The following NAV1 variants were observed in gnomAD, a reference collection of about 807,000 sequenced individuals.
NAV1 encodes neuron navigator 1, also known as pore membrane and/or filament interacting like protein 3.
Under a neutral mutation model 175.2 loss-of-function variants are expected in NAV1, and 18 were observed. That is an observed-to-expected ratio of 0.10 (90% CI 0.07 to 0.15). The LOEUF (loss-of-function observed/expected upper bound fraction) is 0.15, where lower values mean the gene tolerates loss of function less well. NAV1 is among the 10% of genes least tolerant of loss of function. The pLI is 1.00. For missense variants in NAV1, 1,731 were observed against 2,436.6 expected, an observed-to-expected ratio of 0.71 and a Z score of 6.10; for synonymous variants, 897 against 978.7, an observed-to-expected ratio of 0.92 and a Z score of 1.56.
At chr1:201,781,573 G>A (rs1242322474) in intron 5 of NAV1, among the ~76,000 whole-genome samples, 1 of 152,180 alleles carries the variant, frequency 6.6e-6, no homozygotes, top group Non-Finnish European at 1.5e-5. Flanking sequence ...ACAGGAGGAA[G>A]TATATTATGT....
chr1:201,780,704 C>A, intron 4 of NAV1, 145 bp downstream of exon 8: 1 of 1,113,800 alleles, frequency 9.0e-7, no homozygotes, highest in Non-Finnish European at 1.3e-6. Context: ...TTAGAGTTGC[C>A]CCCACCCCCT....
At chr1:201,728,183 G>A (rs527756466) in intron 3 of NAV1, among the ~76,000 whole-genome samples, 56 of 152,136 alleles carry the variant, frequency 3.7e-4, no homozygotes, top group Admixed American at 1.7e-3. Flanking sequence ...GTTCAGTGGT[G>A]TAATCAGGGC....
intron 2 of NAV1, among the ~76,000 whole-genome samples, chr1:201,598,377 C>A (rs536366503): frequency 6.6e-6 from 1 of 152,284 alleles, no homozygotes; most frequent in South Asian, 2.1e-4. Flanking sequence ...CTTAGAGGAC[C>A]CCCAAGAAAC....
rs1170740904 is a variant in NAV1, at chr1:201,694,491, C to T, written c.758-18326C>T. 1.3e-5 allele frequency among the ~76,000 whole-genome samples: 2 copies of T among 152,118 alleles called. No homozygotes were observed. Among genetic ancestry groups the T allele is most frequent in the African/African-American group, 2.4e-5 (1 of 41,420 alleles). Reference sequence around the variant, plus strand: ...TCACCAGCTGCTGGGGCTTCTTGCCCTGAGTTAGGCTGGGGATCATTTGCA... The same window carrying T: ...TCACCAGCTGCTGGGGCTTCTTGCCTTGAGTTAGGCTGGGGATCATTTGCA... On this transcript the variant is annotated intron_variant, in intron 1 of 29. Coordinates refer to ENST00000367296, the Ensembl canonical transcript of NAV1. This position sits in a 1 kb window ranked among gnomAD's most constrained non-coding sequence, Gnocchi z 4.2.
intron 2 of NAV1, among the ~76,000 whole-genome samples, chr1:201,640,467 C>A (rs1354546398): frequency 6.6e-6 from 1 of 152,208 alleles, no homozygotes; most frequent in East Asian, 1.9e-4. Context: ...GCTGGGATTA[C>A]TGCCTGGGCT....
intron 15 of NAV1, among the ~76,000 whole-genome samples, chr1:201,800,591 A>T (rs1677791075): frequency 6.6e-6 from 1 of 152,166 alleles, no homozygotes; most frequent in South Asian, 2.1e-4. Context: ...CTTTACAGTA[A>T]ATGTTTTCCT....
chr1:201,586,724 C>A (rs760483502), intron 1 of NAV1, among the ~76,000 whole-genome samples: 18 of 152,038 alleles, frequency 1.2e-4, no homozygotes, highest in Non-Finnish European at 1.5e-5. Flanking sequence ...ATCTTTTTCT[C>A]TTTTCACCCT....
In NAV1 at chr1:201,787,559, A is replaced by G. The variant is rs1021428740; in HGVS notation, c.2996-909A>G. ...TTGAAGACCAAATAAGAAGAATTGCATTTATGCTGCAGAATGAGGGGCTGG... is the reference window on the plus strand; with the variant it reads ...TTGAAGACCAAATAAGAAGAATTGCGTTTATGCTGCAGAATGAGGGGCTGG... On this transcript the variant is annotated intron_variant, in intron 9 of 29. Transcript: ENST00000367296. This position sits in a 1 kb window ranked among gnomAD's most constrained non-coding sequence, Gnocchi z 4.3. 8 of 429,146 alleles carry G rather than the reference A, an allele frequency of 1.9e-5. No homozygotes were observed. Among genetic ancestry groups the G allele is most frequent in the African/African-American group, 6.1e-5 (3 of 49,216 alleles). The allele number at this position is 429,146 out of a possible 1,614,324, so 26.6% of individuals were successfully genotyped here.
At chr1:201,770,428 C>A (rs115286682) in intron 3 of NAV1, among the ~76,000 whole-genome samples, 1 of 152,160 alleles carries the variant, frequency 6.6e-6, no homozygotes, top group Non-Finnish European at 1.5e-5. Context: ...TTTATTTATT[C>A]TAAGAGCACT....
chr1:201,562,188 T>G lies in NAV1; in HGVS notation c.-144+22846T>G, dbSNP rs542159468. Among the ~76,000 whole-genome samples, 388 of 150,492 alleles carry G rather than the reference T, an allele frequency of 2.6e-3. 2 individuals carry two copies. Among genetic ancestry groups the G allele is most frequent in the African/African-American group, 9.0e-3 (368 of 40,744 alleles). On this transcript the variant is annotated intron_variant, in intron 1 of 33. Transcript: ENST00000685211. ...CCTGGCTAATTTTTTTTTTTTTTTTTGTAGAGACAGCTGGGTTGGGAAGTC... is the reference window on the plus strand; with the variant it reads ...CCTGGCTAATTTTTTTTTTTTTTTTGGTAGAGACAGCTGGGTTGGGAAGTC...
intron 13 of NAV1, chr1:201,791,912 C>T (rs1163614833): frequency 6.6e-6 from 1 of 152,110 alleles, no homozygotes; most frequent in African/African-American, 2.4e-5. Context: ...GCCACACCCA[C>T]CAAAGCAAAT....
At chr1:201,709,974 C>T (rs530724334) in intron 1 of NAV1, among the ~76,000 whole-genome samples, 1 of 151,950 alleles carries the variant, frequency 6.6e-6, no homozygotes, top group Non-Finnish European at 1.5e-5. Context: ...CTGAAATAGT[C>T]CCACCACACT....
rs139980147 is a variant in NAV1 at position 201,608,490 on chromosome 1, TG to T, written c.-32-14362del. On this transcript the variant is annotated intron_variant, in intron 2 of 33. Transcript: ENST00000685211. ...GAGGCGACCCCGTTCAGAGATGTTG[TG>T]TGGGGACTTACAGGTCAGTGAGGCA... Among the ~76,000 whole-genome samples, 694 of 152,322 alleles carry T rather than the reference TG, an allele frequency of 4.6e-3. 3 individuals carry two copies. The highest frequency in any genetic ancestry group is 7.7e-3 in the South Asian group (37 of 4,824).
intron 3 of NAV1, among the ~76,000 whole-genome samples, chr1:201,733,157 G>T (rs1396316155): frequency 2.0e-5 from 3 of 151,448 alleles, no homozygotes; most frequent in Non-Finnish European, 4.4e-5. Flanking sequence ...AAGGCGGGCG[G>T]ATCATGAGGT....
intron 3 of NAV1, among the ~76,000 whole-genome samples, chr1:201,734,130 A>G (rs1672987190): frequency 6.6e-6 from 1 of 152,078 alleles, no homozygotes; most frequent in African/African-American, 2.4e-5. Flanking sequence ...AACATTGGCC[A>G]GGTGTGATGG....
chr1:201,620,132 T>C (rs1049038456), upstream of NAV1, among the ~76,000 whole-genome samples: 2 of 152,174 alleles, frequency 1.3e-5, no homozygotes, highest in African/African-American at 4.8e-5. Context: ...GCTTAGGCTG[T>C]AACTGGTCCC....
At chr1:201,786,650 T>G (rs1571493096) in intron 9 of NAV1, 73 bp downstream of exon 13, 1 of 1,473,704 alleles carries the variant, frequency 6.8e-7, no homozygotes, top group Non-Finnish European at 9.2e-7. Flanking sequence ...GCAAGGCAGG[T>G]GGGCTTTGGG....
chr1:201,549,075 TTC>T (rs1291492642), intron 1 of NAV1, among the ~76,000 whole-genome samples: 12 of 144,072 alleles, frequency 8.3e-5, no homozygotes, highest in South Asian at 2.3e-4. Flanking sequence ...TATTCTAGTT[TTC>T]TCTTTCTTTC....
intron 3 of NAV1, among the ~76,000 whole-genome samples, chr1:201,728,752 A>G (rs544928680): frequency 3.3e-5 from 5 of 152,282 alleles, no homozygotes; most frequent in African/African-American, 9.6e-5. Flanking sequence ...GGTGTGAGCC[A>G]CTACACCCAG....
Sources: allele counts gnomAD v4.1 joint callset (sites outside exome capture counted in the v4.1 genomes callset), GRCh38; gene constraint gnomAD v4.1.1; non-coding constraint Gnocchi (gnomAD v3.1); transcripts MANE v1.5; gene names NCBI Gene and HGNC (gene_info 2026-07-23, HGNC 2026-07-21).